Variants in PLPPR1 observed in about 807,000 individuals in gnomAD.
The protein encoded by PLPPR1 is phospholipid phosphatase-related protein type 1.
PLPPR1 carries 10 observed loss-of-function variants against 33.1 expected under a neutral mutation model. The observed-to-expected ratio is 0.30, with a 90% CI of 0.19 to 0.51. PLPPR1 has a LOEUF of 0.51. PLPPR1 is among the 20% of genes least tolerant of loss of function. The probability of loss-of-function intolerance (pLI) is 0.97; values close to 1 mark genes in which losing one functional copy is unlikely to be tolerated. For synonymous variants in PLPPR1, 151 were observed against 151.0 expected, an observed-to-expected ratio of 1.00 and a Z score of 0.00; for missense variants, 304 against 408.1, an observed-to-expected ratio of 0.74 and a Z score of 2.20.
At chr9:101,144,841 T>C (rs549086013) in intron 1 of PLPPR1, among the ~76,000 whole-genome samples, 24 of 152,314 alleles carry the variant, frequency 1.6e-4, no homozygotes, top group African/African-American at 4.3e-4. Flanking sequence ...CCAATTTCAT[T>C]TCCCCACCTT....
intron 1 of PLPPR1, among the ~76,000 whole-genome samples, chr9:101,048,749 C>G (rs1367206682): frequency 6.6e-6 from 1 of 152,108 alleles, no homozygotes; most frequent in African/African-American, 2.4e-5. Flanking sequence ...CCTCAGAGGT[C>G]AGGAAAAATC....
At chr9:101,287,524 CAG>C (rs748012960) in intron 4 of PLPPR1, among the ~76,000 whole-genome samples, 4 of 152,164 alleles carry the variant, frequency 2.6e-5, no homozygotes, top group South Asian at 2.1e-4. Flanking sequence ...ATTTTTTAGA[CAG>C]AGTCTTGCTC....
chr9:101,054,012 C>T lies in PLPPR1; in HGVS notation c.-46+24910C>T, dbSNP rs149979578. Among the ~76,000 whole-genome samples, 53 of 151,982 alleles carry T rather than the reference C, an allele frequency of 3.5e-4. 1 individual carries two copies. The highest frequency in any genetic ancestry group is 1.3e-3 in the African/African-American group (52 of 41,472). On this transcript the variant is annotated intron_variant, in intron 1 of 7. Coordinates refer to ENST00000374874, the MANE Select transcript of PLPPR1 (RefSeq NM_207299.2). ...CAGCCTGGCCAACATAGTGAAACCC[C>T]GTCTCTACTAAAAATACAAAAATTA...
intron 1 of PLPPR1, among the ~76,000 whole-genome samples, chr9:101,088,586 G>T (rs2118526980): frequency 6.6e-6 from 1 of 152,130 alleles, no homozygotes; most frequent in African/African-American, 2.4e-5. Flanking sequence ...CGCAGAGTTT[G>T]GTTCTGTAAT....
intron 1 of PLPPR1, among the ~76,000 whole-genome samples, chr9:101,125,172 CCTT>C (rs1831229115): frequency 6.6e-6 from 1 of 152,156 alleles, no homozygotes; most frequent in Admixed American, 6.6e-5. Flanking sequence ...AGGGCACTGA[CCTT>C]ATATTGCTAG....
intron 1 of PLPPR1, among the ~76,000 whole-genome samples, chr9:101,118,952 G>T (rs1012651712): frequency 1.3e-5 from 2 of 151,492 alleles, no homozygotes; most frequent in East Asian, 3.9e-4. Context: ...TTCAAATTTG[G>T]ATGACATCCA....
intron 1 of PLPPR1, among the ~76,000 whole-genome samples, chr9:101,178,153 C>A: frequency 6.6e-6 from 1 of 152,160 alleles, no homozygotes; most frequent in East Asian, 1.9e-4. Flanking sequence ...CTGTGGATAC[C>A]ACTCAGCCTC....
chr9:101,059,534 A>G (rs1830317837), intron 1 of PLPPR1, among the ~76,000 whole-genome samples: 1 of 152,130 alleles, frequency 6.6e-6, no homozygotes, highest in Admixed American at 6.6e-5. Context: ...GATTAAAAAT[A>G]TGCAAGAATT....
intron 1 of PLPPR1, among the ~76,000 whole-genome samples, chr9:101,152,032 T>C (rs1831594948): frequency 6.6e-6 from 1 of 152,236 alleles, no homozygotes; most frequent in Admixed American, 6.5e-5. Context: ...AAAGTGTTCC[T>C]ATTTCTCCAC....
At chr9:101,307,088 G>A (rs887319514) in intron 4 of PLPPR1, among the ~76,000 whole-genome samples, 2 of 152,218 alleles carry the variant, frequency 1.3e-5, no homozygotes, top group African/African-American at 2.4e-5. Context: ...CCAGAATGAA[G>A]TGGTTGGACA....
intron 2 of PLPPR1, among the ~76,000 whole-genome samples, chr9:101,243,891 T>C (rs1827531712): frequency 6.6e-6 from 1 of 151,830 alleles, no homozygotes; most frequent in African/African-American, 2.4e-5. Flanking sequence ...TGGGAGTATA[T>C]GACATTCCTC....
rs150774341 is a variant in PLPPR1 at position 101,135,454 on chromosome 9, G to A, written c.-45-49996G>A. On this transcript the variant is annotated intron_variant, in intron 1 of 7. Transcript: ENST00000374874. ...TAAGGGTCTCCTTATTTCTGTCCCT[G>A]CCAGGCTAAATGGTCCAGTTTTGTT... Among the ~76,000 whole-genome samples, 96 of 152,252 alleles carry A rather than the reference G, an allele frequency of 6.3e-4. 1 individual carries two copies. Among genetic ancestry groups the A allele is most frequent in the African/African-American group, 2.1e-3 (88 of 41,556 alleles).
chr9:101,277,682 C>A (rs1219602043), intron 3 of PLPPR1, among the ~76,000 whole-genome samples: 1 of 152,118 alleles, frequency 6.6e-6, no homozygotes, highest in Admixed American at 6.5e-5. Flanking sequence ...AACTGACACC[C>A]AAAGAGGTCA....
At chr9:101,041,766 C>T (rs1830080372) in intron 1 of PLPPR1, among the ~76,000 whole-genome samples, 1 of 152,106 alleles carries the variant, frequency 6.6e-6, no homozygotes, top group South Asian at 2.1e-4. Flanking sequence ...GCCTGAAAAA[C>T]ATAAGTCTGA....
intron 2 of PLPPR1, among the ~76,000 whole-genome samples, chr9:101,209,893 T>C (rs187557770): frequency 1.1e-3 from 168 of 152,328 alleles, no homozygotes; most frequent in African/African-American, 3.8e-3. Flanking sequence ...AGATTGACAT[T>C]GATTCCTGCA....
At chr9:101,142,693 C>CT (rs898060277) in intron 1 of PLPPR1, among the ~76,000 whole-genome samples, 3 of 152,160 alleles carry the variant, frequency 2.0e-5, no homozygotes, top group Non-Finnish European at 4.4e-5. Flanking sequence ...AATCTGTCTC[C>CT]TTTTTTCATT....
At chr9:101,115,369 T>A (rs1373775184) in intron 1 of PLPPR1, among the ~76,000 whole-genome samples, 2 of 152,226 alleles carry the variant, frequency 1.3e-5, no homozygotes, top group Non-Finnish European at 2.9e-5. Context: ...GAGTGATGAC[T>A]GATTTCAATA....
chr9:101,125,555 G>A, intron 1 of PLPPR1: 1 of 482,378 alleles, frequency 2.1e-6, no homozygotes, highest in Non-Finnish European at 3.9e-6. Flanking sequence ...AGGAAGTGCT[G>A]TCTCCTGCCT....
At chr9:101,310,978 AT>A (rs530913316) in intron 5 of PLPPR1, among the ~76,000 whole-genome samples, 10 of 152,214 alleles carry the variant, frequency 6.6e-5, no homozygotes, top group South Asian at 4.2e-4. Flanking sequence ...CTATGCAGGT[AT>A]TTTTTTTAAA....
Sources: gnomAD v4.1 joint callset for allele counts (sites outside exome capture counted in the v4.1 genomes callset) on GRCh38, gnomAD v4.1.1 for gene constraint, MANE v1.5 for transcripts, NCBI Gene and HGNC (gene_info 2026-07-23, HGNC 2026-07-21) for gene names.